The following PHF20L1 variants were observed in gnomAD, a reference collection of about 807,000 sequenced individuals.
PHF20L1 encodes PHD finger protein 20 like 1.
PHF20L1 carries 44 observed loss-of-function variants against 125.5 expected under a neutral mutation model. The ratio of observed to expected loss-of-function variants is 0.35; its 90% CI spans 0.28 to 0.45. The LOEUF (loss-of-function observed/expected upper bound fraction) is 0.45. PHF20L1 is among the 20% of genes least tolerant of loss of function. The probability of loss-of-function intolerance (pLI) is 1.00; values close to 1 mark genes in which losing one functional copy is unlikely to be tolerated. For synonymous variants in PHF20L1, 380 were observed against 403.1 expected (o/e 0.94, Z 0.69); for missense variants, 1,012 against 1,217.2 (o/e 0.83, Z 2.51).
chr8:132,801,260 C>T (rs988290358), intron 6 of PHF20L1, among the ~76,000 whole-genome samples: 4 of 151,652 alleles, frequency 2.6e-5, no homozygotes, highest in African/African-American at 7.3e-5. Flanking sequence ...CTTATAGGTC[C>T]TTTGCTATTA....
At chr8:132,829,204 T>A (rs1254900885) in intron 14 of PHF20L1, among the ~76,000 whole-genome samples, 1 of 152,088 alleles carries the variant, frequency 6.6e-6, no homozygotes, top group African/African-American at 2.4e-5. Flanking sequence ...GTTTTTACAA[T>A]CAGATTCTGC....
At chr8:132,828,608 G>A (rs1422421740) in intron 14 of PHF20L1, among the ~76,000 whole-genome samples, 3 of 152,012 alleles carry the variant, frequency 2.0e-5, no homozygotes, top group Non-Finnish European at 2.9e-5. Context: ...TATTTTATGA[G>A]GTAGTAGGTT....
Position 132,836,739 on chromosome 8 carries a change from C to T in PHF20L1, c.2091+18C>T, listed in dbSNP as rs753283784. 3 of 1,584,658 alleles carry T rather than the reference C, an allele frequency of 1.9e-6. No individual in the cohort carries two copies. Among genetic ancestry groups the T allele is most frequent in the Admixed American group, 3.4e-5 (2 of 59,456 alleles). On this transcript the variant is annotated intron_variant, in intron 16 of 20. Coordinates refer to ENST00000395386, the MANE Select transcript of PHF20L1 (RefSeq NM_016018.5). Reference sequence around the variant, plus strand: ...TGATCCAGGTAATTGGTTAACCTCTCTTCCCTATAATGAGTTAGTTGTTTC... The same window carrying T: ...TGATCCAGGTAATTGGTTAACCTCTTTTCCCTATAATGAGTTAGTTGTTTC...
chr8:132,815,043 A>G (rs1004914560), intron 10 of PHF20L1, 154 bp downstream of exon 10: 10 of 556,676 alleles, frequency 1.8e-5, no homozygotes, highest in East Asian at 1.2e-4. Flanking sequence ...GGCAAAAACC[A>G]TAGACATTTC....
At chr8:132,830,253 A>G (rs891785801) in intron 14 of PHF20L1, among the ~76,000 whole-genome samples, 1 of 151,934 alleles carries the variant, frequency 6.6e-6, no homozygotes, top group African/African-American at 2.4e-5. Context: ...CTCTCACGTC[A>G]TCTCTTCTGC....
chr8:132,813,748 A>G (rs1466143679), intron 9 of PHF20L1, among the ~76,000 whole-genome samples: 1 of 152,026 alleles, frequency 6.6e-6, no homozygotes, highest in Non-Finnish European at 1.5e-5. Flanking sequence ...AATTCATCCA[A>G]TGTAGTTATT....
intron 1 of PHF20L1, among the ~76,000 whole-genome samples, chr8:132,776,535 T>C (rs1271924994): frequency 1.3e-5 from 2 of 152,210 alleles, no homozygotes; most frequent in African/African-American, 4.8e-5. Context: ...TATTTGCTTA[T>C]ACCATAGCAG....
rs1057163655 is a variant in PHF20L1, at chr8:132,831,109, T to C, written c.1745-1126T>C. On this transcript the variant is annotated intron_variant, in intron 14 of 20. Coordinates refer to ENST00000395386, the MANE Select transcript of PHF20L1 (RefSeq NM_016018.5). ...CCACTTCTATGTGTGCCTTCCTGCATTCCATCCTCCATTCCACAGCTAGAG... is the reference window on the plus strand; with the variant it reads ...CCACTTCTATGTGTGCCTTCCTGCACTCCATCCTCCATTCCACAGCTAGAG... 3.9e-5 allele frequency among the ~76,000 whole-genome samples: 6 copies of C among 152,048 alleles called. No individual in the cohort carries two copies. The East Asian group carries it at 1.2e-3, about 29-fold the overall frequency.
At position 132,824,009 on chromosome 8, in the gene PHF20L1, T is replaced by C. The variant is rs1177930349; in HGVS notation, c.1585T>C (p.Ser529Pro). 2.5e-6 allele frequency: 4 copies of C among 1,590,318 alleles called. No homozygotes were observed. In the African/African-American group the frequency reaches 4.1e-5, roughly 16 times the overall value. The change falls in exon 13 of 21, where the codon TCG (serine) becomes CCG (proline). Residue 529 changes from serine to proline, a missense_variant. Coordinates refer to ENST00000395386, the MANE Select transcript of PHF20L1 (RefSeq NM_016018.5). ...ATTTTTCCCCTAACCCACAGGAATA[T>C]CGAAAACAGAAAAAAAAGTGAAATT... is the stretch of plus-strand genomic sequence containing the variant. ...GRGAPAAAGISKTEKKVKLED... is the reference protein window; with the variant it reads ...GRGAPAAAGIPKTEKKVKLED...
rs1482587972 is a variant in PHF20L1, at chr8:132,847,404, G to A, written c.*1481G>A. 1 of 152,528 alleles carries A rather than the reference G, an allele frequency of 6.6e-6. No homozygotes were observed. The highest frequency in any genetic ancestry group is 2.4e-5 in the African/African-American group (1 of 41,420). The allele number at this position is 152,528 out of a possible 1,614,324, so 9.4% of individuals were successfully genotyped here. A position where few individuals can be genotyped will look rare whatever the true frequency, so the allele number is the denominator to read the frequency against. On this transcript the variant is annotated 3_prime_UTR_variant, in exon 21 of 21. Coordinates refer to ENST00000395386, the MANE Select transcript of PHF20L1 (RefSeq NM_016018.5). The stretch of plus-strand genomic sequence containing the variant: ...ACTTGAATATTTTATGCCTCATTCT[G>A]TTTATCAGTTCTCGCAATCTGTATA...
chr8:132,826,791 C>G (rs1836231683), intron 14 of PHF20L1: 1 of 151,920 alleles, frequency 6.6e-6, no homozygotes, highest in African/African-American at 2.4e-5. Flanking sequence ...CTCTCTTAAA[C>G]TGTATGATCA....
intron 2 of PHF20L1, among the ~76,000 whole-genome samples, chr8:132,787,338 CA>C (rs1204989966): frequency 1.3e-5 from 2 of 151,922 alleles, no homozygotes; most frequent in Non-Finnish European, 2.9e-5. Context: ...AAGTACCTGC[CA>C]CAAGGTTCTA....
rs374542239 is a variant in PHF20L1 at position 132,792,596 on chromosome 8, G to A, written c.84-1814G>A. Among the ~76,000 whole-genome samples the A allele has an allele frequency of 1.1e-4, 17 of 152,066 alleles. 1 individual carries two copies. The highest frequency in any genetic ancestry group is 4.1e-4 in the African/African-American group (17 of 41,390). On this transcript the variant is annotated intron_variant, in intron 2 of 20. Coordinates refer to ENST00000395386, the MANE Select transcript of PHF20L1 (RefSeq NM_016018.5). ...GCCTTTCTTTAAAGCGGCTTCTTACGCCTGCAGACATTCCCGCCTTTCTTT... is the reference window on the plus strand; with the variant it reads ...GCCTTTCTTTAAAGCGGCTTCTTACACCTGCAGACATTCCCGCCTTTCTTT...
chr8:132,837,965 T>G, intron 17 of PHF20L1, 154 bp downstream of exon 17: 1 of 610,272 alleles, frequency 1.6e-6, no homozygotes, highest in Non-Finnish European at 3.0e-6. Flanking sequence ...TGAAACAGCA[T>G]GCTATATGCC....
At chr8:132,807,753 T>C (rs777689445) in intron 8 of PHF20L1, 4 of 455,790 alleles carry the variant, frequency 8.8e-6, no homozygotes, top group African/African-American at 4.0e-5. Context: ...TTATAGCTAA[T>C]ATAGAATACT....
rs765719884 is a variant in PHF20L1, at chr8:132,817,424, G to T, written c.1458G>T (p.Pro486=). 6.2e-7 allele frequency: 1 copy of T among 1,612,562 alleles called. No individual in the cohort carries two copies. The highest frequency in any genetic ancestry group is 8.5e-7 in the Non-Finnish European group (1 of 1,179,108). The change falls in exon 12 of 21, where the codon CCG becomes CCT. Residue 486 remains proline (P), a synonymous_variant. Transcript: ENST00000395386. ...DLSRGSEVTA[P]VASDSSYRNE... is the part of the protein sequence containing the mutation. ...GTCGTGGTTCAGAAGTTACAGCACC[G>T]GTAGCCTCAGATTCCTCTTACCGTA...
intron 9 of PHF20L1, chr8:132,812,341 C>T (rs1364434169): frequency 1.0e-6 from 1 of 984,316 alleles, no homozygotes; most frequent in Non-Finnish European, 1.2e-6. Flanking sequence ...TTTGATTATG[C>T]ACAATCCTGC....
chr8:132,814,940 A>G (rs1834787983), intron 10 of PHF20L1, 51 bp downstream of exon 10: 1 of 1,331,594 alleles, frequency 7.5e-7, no homozygotes, highest in Non-Finnish European at 1.0e-6. Flanking sequence ...GATACATTAA[A>G]AACAGTTTGA....
intron 20 of PHF20L1, among the ~76,000 whole-genome samples, chr8:132,844,691 A>G (rs1838259860): frequency 6.6e-6 from 1 of 152,094 alleles, no homozygotes; most frequent in South Asian, 2.1e-4. Context: ...AATATTTTTT[A>G]CTTTGGTTAG....
Sources: gnomAD v4.1 joint callset for allele counts (sites outside exome capture counted in the v4.1 genomes callset) on GRCh38, gnomAD v4.1.1 for gene constraint, MANE v1.5 for transcripts, NCBI Gene and HGNC (gene_info 2026-07-23, HGNC 2026-07-21) for gene names.